Variants in MICAL3 observed in about 807,000 individuals in gnomAD.
MICAL3 encodes microtubule associated monooxygenase, calponin and LIM domain containing 3.
A neutral mutation model predicts 207.4 loss-of-function variants in MICAL3; 62 were observed. The observed-to-expected ratio is 0.30, with a 90% CI of 0.24 to 0.37. MICAL3 has a LOEUF of 0.37. MICAL3 is among the 10% of genes least tolerant of loss of function. The pLI, the probability that MICAL3 is intolerant of heterozygous loss-of-function variation, is 1.00. For missense variants in MICAL3, 2,368 were observed against 2,635.6 expected (o/e 0.90, Z 2.22); for synonymous variants, 1,077 against 1,069.3 (o/e 1.01, Z -0.14).
intron 1 of MICAL3, among the ~76,000 whole-genome samples, chr22:17,929,770 G>T (rs1933150471): frequency 1.3e-5 from 2 of 152,046 alleles, no homozygotes; most frequent in South Asian, 4.2e-4. Flanking sequence ...GGTTTCACCT[G>T]ATGCCCAGGC....
intron 16 of MICAL3, among the ~76,000 whole-genome samples, chr22:17,879,974 G>C (rs1211317499): frequency 1.3e-5 from 2 of 152,206 alleles, no homozygotes; most frequent in East Asian, 3.8e-4. Context: ...CTGCAGGTAG[G>C]GACATGGCCT....
chr22:17,829,065 C>A (rs1182904442), intron 21 of MICAL3, among the ~76,000 whole-genome samples: 1 of 151,952 alleles, frequency 6.6e-6, no homozygotes, highest in African/African-American at 2.4e-5. Context: ...GCTGGCCCTG[C>A]AAGCCGTATG....
rs554475181 is a variant in MICAL3, at chr22:17,954,943, C to T, written c.-74-48057G>A. Among the ~76,000 whole-genome samples, 14 of 152,146 alleles carry T rather than the reference C, an allele frequency of 9.2e-5. No individual in the cohort carries two copies. The South Asian group carries it at 2.3e-3, about 25-fold the overall frequency. ...TTCACCATGTTGGCTAGGCTGGTCT[C>T]AAACTCCTGACCTCAAGTGATCCTC... On this transcript the variant is annotated intron_variant, in intron 1 of 31. Coordinates refer to ENST00000441493, the MANE Select transcript of MICAL3 (RefSeq NM_015241.3).
chr22:17,827,605 G>A, intron 22 of MICAL3, 39 bp downstream of exon 22: 1 of 1,521,246 alleles, frequency 6.6e-7, no homozygotes, highest in South Asian at 1.2e-5. Flanking sequence ...GGCGGGTGGT[G>A]CTCGGGGCAC....
chr22:18,008,261 A>G (rs147412307), intron 1 of MICAL3, among the ~76,000 whole-genome samples: 37 of 152,290 alleles, frequency 2.4e-4, no homozygotes, highest in African/African-American at 8.2e-4. Context: ...GCATGGTGCA[A>G]TAGGAGCTCA....
chr22:17,800,316 C>T (rs977797138), intron 29 of MICAL3, among the ~76,000 whole-genome samples: 1 of 152,190 alleles, frequency 6.6e-6, no homozygotes, highest in Non-Finnish European at 1.5e-5. Context: ...TGGTTTTCTT[C>T]TAGATTTCCA....
At chr22:17,955,876 G>A (rs2099945) in intron 1 of MICAL3, among the ~76,000 whole-genome samples, 4 of 152,158 alleles carry the variant, frequency 2.6e-5, no homozygotes, top group Non-Finnish European at 4.4e-5. Flanking sequence ...AGAGATCTCC[G>A]ACTCCCCACT....
At chr22:17,996,800 C>G (rs1243262442) in intron 1 of MICAL3, among the ~76,000 whole-genome samples, 4 of 152,084 alleles carry the variant, frequency 2.6e-5, no homozygotes, top group Admixed American at 6.6e-5. Context: ...TTGAAGTACA[C>G]CGGAAGCTAA....
At chr22:17,975,899 A>G (rs543734485) in intron 1 of MICAL3, among the ~76,000 whole-genome samples, 1 of 152,250 alleles carries the variant, frequency 6.6e-6, no homozygotes, top group Non-Finnish European at 1.5e-5. Context: ...AAAAATACAA[A>G]AATTAGCCGG....
At chr22:17,906,373 A>G (rs557662075) in intron 2 of MICAL3, among the ~76,000 whole-genome samples, 176 bp downstream of exon 2, 2 of 152,200 alleles carry the variant, frequency 1.3e-5, no homozygotes, top group South Asian at 4.1e-4. Flanking sequence ...CTCTAACTCA[A>G]TCCTCCTCTT....
intron 1 of MICAL3, among the ~76,000 whole-genome samples, chr22:17,966,701 GA>G (rs1448331864): frequency 1.3e-5 from 2 of 152,166 alleles, no homozygotes; most frequent in Non-Finnish European, 2.9e-5. Flanking sequence ...GTATTTCTAG[GA>G]AGTAAACGAC....
intron 19 of MICAL3, among the ~76,000 whole-genome samples, chr22:17,857,852 A>G (rs761777364): frequency 3.3e-5 from 5 of 152,210 alleles, no homozygotes; most frequent in Non-Finnish European, 5.9e-5. Context: ...TATGCACGGC[A>G]TACTTCTTAT....
rs2896016 is a variant in MICAL3, at chr22:17,993,743, C to T, written c.-75+30538G>A. 1.2e-4 allele frequency among the ~76,000 whole-genome samples: 19 copies of T among 152,110 alleles called. No homozygotes were observed. In the East Asian group the frequency reaches 1.4e-3, roughly 11 times the overall value. Reference sequence around the variant, plus strand: ...AGGAATATTTCAAGGAATATGCCAACTAACCTCAATGCACCTCTCCTGGCA... The same window carrying T: ...AGGAATATTTCAAGGAATATGCCAATTAACCTCAATGCACCTCTCCTGGCA... On this transcript the variant is annotated intron_variant, in intron 1 of 31. Transcript: ENST00000441493.
At chr22:17,943,395 C>T (rs570486639) in intron 1 of MICAL3, among the ~76,000 whole-genome samples, 2 of 152,304 alleles carry the variant, frequency 1.3e-5, no homozygotes, top group Admixed American at 6.5e-5. Context: ...AACTCCTGAC[C>T]TCAGGTGATC....
At chr22:17,876,815 GGTT>G (rs1928488736) in intron 16 of MICAL3, 2 of 93,352 alleles carry the variant, frequency 2.1e-5, no homozygotes, top group African/African-American at 7.7e-5. Context: ...AGGTTAGGGA[GGTT>G]AGGGAGGTTA....
intron 1 of MICAL3, among the ~76,000 whole-genome samples, chr22:17,957,830 A>G (rs774997342): frequency 1.3e-5 from 2 of 152,078 alleles, no homozygotes; most frequent in African/African-American, 4.8e-5. Context: ...ATGAAATGGT[A>G]CAGTCACAGG....
In MICAL3 at chr22:17,885,920, A is replaced by C; in HGVS notation, c.2199T>G (p.Phe733Leu). Residue 733 changes from phenylalanine to leucine, a missense_variant, in exon 16 of 32, where the codon TTT becomes TTG. Transcript: ENST00000441493. Reference sequence around the variant, plus strand: ...TGGACTGTGCGGGCGCATTCTCTTCAAATTTGGCCAGCAGCTGGGTCGCCA... The same window carrying C: ...TGGACTGTGCGGGCGCATTCTCTTCCAATTTGGCCAGCAGCTGGGTCGCCA... Reference protein sequence around the residue: ...KYMATQLLAKFEENAPAQSIG... With the variant: ...KYMATQLLAKLEENAPAQSIG... The C allele has an allele frequency of 1.2e-6, 2 of 1,613,964 alleles. No homozygotes were observed. Among genetic ancestry groups the C allele is most frequent in the East Asian group, 2.2e-5 (1 of 44,888 alleles).
At chr22:17,995,480 C>G (rs1037619927) in intron 1 of MICAL3, among the ~76,000 whole-genome samples, 57 of 149,486 alleles carry the variant, frequency 3.8e-4, no homozygotes, top group Non-Finnish European at 2.5e-4. Context: ...TTGCACCCAG[C>G]CTTTTCTTTA....
chr22:17,952,298 C>A (rs180822215), intron 1 of MICAL3, among the ~76,000 whole-genome samples: 6 of 152,168 alleles, frequency 3.9e-5, no homozygotes, highest in Admixed American at 3.9e-4. Flanking sequence ...CCACTCTCCT[C>A]GCCAGACCCC....
Sources: allele counts gnomAD v4.1 joint callset (sites outside exome capture counted in the v4.1 genomes callset), GRCh38; gene constraint gnomAD v4.1.1; transcripts MANE v1.5; gene names NCBI Gene and HGNC (gene_info 2026-07-23, HGNC 2026-07-21).